The following IKBKB variants were observed in gnomAD, a reference collection of about 807,000 sequenced individuals.
IKBKB encodes the protein inhibitor of nuclear factor kappa-B kinase subunit beta.
IKBKB carries 42 observed loss-of-function variants against 113.6 expected under a neutral mutation model. That is an observed-to-expected ratio of 0.37 (90% CI 0.29 to 0.48). The LOEUF (loss-of-function observed/expected upper bound fraction) is 0.48. Ranked by LOEUF, IKBKB falls within the 20% of genes least tolerant of loss-of-function variation. IKBKB has a pLI of 0.99. For synonymous variants in IKBKB, 296 were observed against 361.3 expected (o/e 0.82, Z 2.05); for missense variants, 673 against 939.7 (o/e 0.72, Z 3.71).
intron 2 of IKBKB, among the ~76,000 whole-genome samples, chr8:42,286,211 C>T (rs1811384753): frequency 6.6e-6 from 1 of 152,062 alleles, no homozygotes; most frequent in Non-Finnish European, 1.5e-5. Flanking sequence ...TCCTTTCTGG[C>T]ATGGAGTCTG....
chr8:42,323,897 G>A (rs1751840404), intron 19 of IKBKB, among the ~76,000 whole-genome samples: 1 of 152,226 alleles, frequency 6.6e-6, no homozygotes, highest in South Asian at 2.1e-4. Flanking sequence ...AAGACACACA[G>A]GTGAGAAGGC....
chr8:42,300,447 G>A (rs1437584459), intron 5 of IKBKB, among the ~76,000 whole-genome samples: 1 of 152,170 alleles, frequency 6.6e-6, no homozygotes, highest in African/African-American at 2.4e-5. Context: ...ATGTTCTGAA[G>A]GGAACTTAGT....
At chr8:42,284,450 T>C (rs1440232591) in intron 2 of IKBKB, among the ~76,000 whole-genome samples, 2 of 151,860 alleles carry the variant, frequency 1.3e-5, no homozygotes, top group Non-Finnish European at 2.9e-5. Flanking sequence ...GGCGTGGTGA[T>C]GGGTGCCTGT....
At chr8:42,288,178 G>A (rs1811809862) in intron 2 of IKBKB, among the ~76,000 whole-genome samples, 1 of 152,052 alleles carries the variant, frequency 6.6e-6, no homozygotes, top group African/African-American at 2.4e-5. Flanking sequence ...CTTGAGGTCA[G>A]GAATTCAAGA....
chr8:42,289,359 A>G (rs558406730), intron 3 of IKBKB, among the ~76,000 whole-genome samples: 6 of 152,326 alleles, frequency 3.9e-5, no homozygotes, highest in East Asian at 3.9e-4. Context: ...CTGTTCATCA[A>G]TTTCATTGTA....
intron 15 of IKBKB, chr8:42,319,942 G>T: frequency 2.9e-6 from 1 of 338,986 alleles, no homozygotes; most frequent in South Asian, 9.5e-5. Flanking sequence ...GTTAGGAAGG[G>T]CATTGGATGG....
chr8:42,282,796 C>T (rs1192361272), intron 2 of IKBKB, among the ~76,000 whole-genome samples: 6 of 152,154 alleles, frequency 3.9e-5, no homozygotes, highest in Non-Finnish European at 7.4e-5. Context: ...ATTCTGTTTG[C>T]ATTTCTGTTT....
At position 42,320,753 on chromosome 8, in the gene IKBKB, C is replaced by G; in HGVS notation, c.1597C>G (p.Leu533Val). The change falls in exon 16 of 22, where the codon CTG becomes GTG. Residue 533 changes from leucine to valine, a missense_variant. This residue lies in a region of IKBKB where 506 missense variants were observed against 638.7 expected (regional missense o/e 0.79). Coordinates refer to ENST00000520810, the MANE Select transcript of IKBKB (RefSeq NM_001556.3). ...LCGRENEVKL[L>V]VERMMALQTD... The stretch of plus-strand genomic sequence containing the variant: ...CCATTAGGAGAACGAAGTGAAACTC[C>G]TGGTAGAACGGATGATGGCTCTGCA... 6.2e-7 allele frequency: 1 copy of G among 1,613,192 alleles called. No homozygotes were observed. Among genetic ancestry groups the G allele is most frequent in the African/African-American group, 1.3e-5 (1 of 74,988 alleles).
Position 42,317,667 on chromosome 8 carries a change from G to T in IKBKB, c.1136G>T (p.Gly379Val), listed in dbSNP as rs761487832. ...CTTGTCCCTTTGCAGTTAAATGAGG[G>T]CCACACATTGGACATGGATCTTGTT... ...QCISDGKLNEGHTLDMDLVFL... is the reference protein window; with the variant it reads ...QCISDGKLNEVHTLDMDLVFL... Residue 379 changes from glycine to valine, a missense_variant, in exon 12 of 22, where the codon GGC (glycine) becomes GTC (valine). Transcript: ENST00000520810. The T allele has an allele frequency of 2.5e-6, 4 of 1,610,458 alleles. No individual in the cohort carries two copies. In the East Asian group the frequency reaches 8.9e-5, roughly 36 times the overall value.
At chr8:42,327,300 GC>G (rs1563372987) in intron 20 of IKBKB, among the ~76,000 whole-genome samples, 1 of 149,932 alleles carries the variant, frequency 6.7e-6, no homozygotes, top group Non-Finnish European at 1.5e-5. Flanking sequence ...AGTCTCCTGG[GC>G]AACATGGTGA....
At chr8:42,296,971 T>G (rs114469111) in intron 5 of IKBKB, among the ~76,000 whole-genome samples, 190 of 152,358 alleles carry the variant, frequency 1.2e-3, no homozygotes, top group African/African-American at 4.5e-3. Flanking sequence ...TCCTTCCCGC[T>G]CTGGATTTTG....
At chr8:42,300,966 C>T (rs991278036) in intron 5 of IKBKB, among the ~76,000 whole-genome samples, 4 of 152,200 alleles carry the variant, frequency 2.6e-5, no homozygotes, top group Admixed American at 6.5e-5. Context: ...GTGATCCTCT[C>T]ACCTCAGTCT....
intron 18 of IKBKB, 41 bp from the exon 19 acceptor site, chr8:42,322,306 C>T (rs1193403389): frequency 8.7e-6 from 14 of 1,612,856 alleles, no homozygotes; most frequent in Non-Finnish European, 1.2e-5. Flanking sequence ...CTGCTTTCTC[C>T]AGCCCAAATG....
At chr8:42,317,208 C>CAAA in intron 11 of IKBKB, 2 of 155,406 alleles carry the variant, frequency 1.3e-5, no homozygotes, top group East Asian at 1.4e-4. Flanking sequence ...TCCAAGTGTA[C>CAAA]TAAAAAAAAA....
intron 5 of IKBKB, among the ~76,000 whole-genome samples, chr8:42,297,863 C>A (rs1048667436): frequency 2.0e-5 from 3 of 152,090 alleles, no homozygotes; most frequent in Non-Finnish European, 4.4e-5. Context: ...CCATTGCACT[C>A]CAGCCTGGCA....
At chr8:42,327,818 T>C (rs1481245481) in intron 20 of IKBKB, among the ~76,000 whole-genome samples, 1 of 11,474 alleles carries the variant, frequency 8.7e-5, no homozygotes, top group African/African-American at 1.0e-4. Flanking sequence ...TTTTTTTTTT[T>C]TTTGAGACGG....
chr8:42,317,212 A>AG (rs1178770369), intron 11 of IKBKB: 1 of 384,892 alleles, frequency 2.6e-6, no homozygotes, highest in Non-Finnish European at 4.9e-6. Context: ...AGTGTACTAA[A>AG]AAAAAAAAAA....
At chr8:42,315,018 A>C (rs556021243) in intron 9 of IKBKB, among the ~76,000 whole-genome samples, 3 of 152,248 alleles carry the variant, frequency 2.0e-5, no homozygotes, top group African/African-American at 7.2e-5. Flanking sequence ...TCGGTTTTGC[A>C]TAGGGTTTAT....
chr8:42,298,413 G>A, intron 5 of IKBKB: 1 of 985,428 alleles, frequency 1.0e-6, no homozygotes, highest in Non-Finnish European at 1.2e-6. Flanking sequence ...CAGGACTTCA[G>A]CGTTAAAGAA....
Sources: allele counts gnomAD v4.1 joint callset (sites outside exome capture counted in the v4.1 genomes callset), GRCh38; gene constraint gnomAD v4.1.1; regional missense constraint gnomAD v4.1.1; transcripts MANE v1.5; gene names NCBI Gene and HGNC (gene_info 2026-07-23, HGNC 2026-07-21).